SEC24D: variants seen among roughly 807,000 people sequenced by gnomAD.
The protein encoded by SEC24D is SEC24 homolog D, COPII component.
A neutral mutation model predicts 116.9 loss-of-function variants in SEC24D; 69 were observed. That is an observed-to-expected ratio of 0.59 (90% confidence interval 0.49 to 0.72). The LOEUF is 0.72. Ranked by LOEUF, SEC24D falls within the 30% of genes least tolerant of loss-of-function variation. SEC24D has a pLI of 0.00. For synonymous variants in SEC24D, 405 were observed against 442.8 expected (o/e 0.91, Z 1.07); for missense variants, 1,131 against 1,264.1 (o/e 0.89, Z 1.60).
At chr4:118,782,819 TC>T (rs891286325) in intron 8 of SEC24D, among the ~76,000 whole-genome samples, 2 of 151,692 alleles carry the variant, frequency 1.3e-5, no homozygotes, top group South Asian at 2.1e-4. Context: ...GGTACAACCC[TC>T]CCCCCTGCCA....
At chr4:118,798,146 C>G (rs1729262675) in intron 7 of SEC24D, among the ~76,000 whole-genome samples, 2 of 152,042 alleles carry the variant, frequency 1.3e-5, no homozygotes, top group Non-Finnish European at 2.9e-5. Flanking sequence ...AAAAATAAAA[C>G]AAAGAGACAC....
intron 7 of SEC24D, among the ~76,000 whole-genome samples, chr4:118,798,252 C>A (rs1054645728): frequency 1.3e-5 from 2 of 152,158 alleles, no homozygotes; most frequent in African/African-American, 4.8e-5. Context: ...TATACTATTT[C>A]ATATTAGCAA....
chr4:118,775,313 G>C (rs1347280494), intron 8 of SEC24D, among the ~76,000 whole-genome samples: 1 of 130,374 alleles, frequency 7.7e-6, no homozygotes, highest in South Asian at 2.4e-4. Context: ...ATACGCTCAG[G>C]ATAACTTGTG....
At chr4:118,738,982 T>G (rs1726099319) in intron 18 of SEC24D, among the ~76,000 whole-genome samples, 167 bp downstream of exon 18, 1 of 152,200 alleles carries the variant, frequency 6.6e-6, no homozygotes, top group Non-Finnish European at 1.5e-5. Flanking sequence ...CCTCACTTAT[T>G]AATTTAGAGT....
chr4:118,731,989 T>C (rs1725710120), intron 20 of SEC24D, among the ~76,000 whole-genome samples: 1 of 138,794 alleles, frequency 7.2e-6, no homozygotes. Context: ...TGAAGCCCAG[T>C]GTGGCTGAAG....
chr4:118,744,292 G>T, intron 14 of SEC24D, 134 bp from the exon 15 acceptor site: 1 of 907,448 alleles, frequency 1.1e-6, no homozygotes, highest in Non-Finnish European at 1.6e-6. Context: ...AGTGAACTGG[G>T]CTGAAGAAAC....
chr4:118,822,602 C>G (rs1037661459), intron 3 of SEC24D, among the ~76,000 whole-genome samples: 2 of 152,098 alleles, frequency 1.3e-5, no homozygotes, highest in Non-Finnish European at 2.9e-5. Flanking sequence ...GACAGGGTCT[C>G]CCTCTGTCAC....
At chr4:118,791,573 G>C (rs28600971) in intron 8 of SEC24D, among the ~76,000 whole-genome samples, 11 of 151,930 alleles carry the variant, frequency 7.2e-5, no homozygotes, top group African/African-American at 2.4e-4. Flanking sequence ...CTCTGATGCC[G>C]AGCCGAGACT....
intron 6 of SEC24D, among the ~76,000 whole-genome samples, chr4:118,812,277 T>C (rs539097974): frequency 2.0e-5 from 3 of 152,206 alleles, no homozygotes; most frequent in East Asian, 1.9e-4. Context: ...TGAATATTAC[T>C]GATATGGGAG....
chr4:118,732,158 T>G (rs1459861699), intron 20 of SEC24D, among the ~76,000 whole-genome samples: 1 of 152,124 alleles, frequency 6.6e-6, no homozygotes, highest in Non-Finnish European at 1.5e-5. Context: ...ATTTTATTTT[T>G]TGAGACGGAG....
chr4:118,762,828 A>G (rs1727454646), intron 10 of SEC24D, among the ~76,000 whole-genome samples: 1 of 152,204 alleles, frequency 6.6e-6, no homozygotes, highest in South Asian at 2.1e-4. Flanking sequence ...TTTCCCATCA[A>G]TTAGACTTCT....
At chr4:118,764,695 A>G (rs563433868) in intron 10 of SEC24D, 107 bp downstream of exon 10, 2 of 653,002 alleles carry the variant, frequency 3.1e-6, no homozygotes, top group Admixed American at 2.4e-5. Flanking sequence ...CCATGGTACC[A>G]CCAAAATGCT....
chr4:118,823,025 C>A (rs1025514654), intron 3 of SEC24D, among the ~76,000 whole-genome samples: 6 of 152,260 alleles, frequency 3.9e-5, no homozygotes, highest in Admixed American at 1.3e-4. Flanking sequence ...ATTCTATATT[C>A]TCATTTTACA....
intron 6 of SEC24D, among the ~76,000 whole-genome samples, chr4:118,806,801 G>C (rs1360204899): frequency 1.3e-5 from 2 of 152,080 alleles, no homozygotes; most frequent in Non-Finnish European, 1.5e-5. Context: ...CTGGGCAACA[G>C]AGTGAGGCCT....
intron 4 of SEC24D, among the ~76,000 whole-genome samples, chr4:118,816,422 A>T (rs1420443400): frequency 6.6e-6 from 1 of 152,172 alleles, no homozygotes; most frequent in South Asian, 2.1e-4. Flanking sequence ...ACATTCAATA[A>T]ATTATTTGCA....
intron 8 of SEC24D, among the ~76,000 whole-genome samples, chr4:118,792,414 G>C (rs1006845916): frequency 6.6e-6 from 1 of 152,218 alleles, no homozygotes; most frequent in African/African-American, 2.4e-5. Flanking sequence ...CATTGAGAAC[G>C]GGCCTAAATG....
At chr4:118,818,072 G>A (rs1730227289) in intron 3 of SEC24D, among the ~76,000 whole-genome samples, 1 of 151,870 alleles carries the variant, frequency 6.6e-6, no homozygotes, top group African/African-American at 2.4e-5. Flanking sequence ...ATTACATCAT[G>A]CTTTACCTTT....
intron 6 of SEC24D, 138 bp downstream of exon 6, chr4:118,814,890 G>A: frequency 1.1e-6 from 1 of 933,234 alleles, no homozygotes; most frequent in Non-Finnish European, 1.6e-6. Context: ...TATAAGGAAG[G>A]AAGCCTTCCC....
At chr4:118,747,865 C>T (rs1726618441) in intron 13 of SEC24D, among the ~76,000 whole-genome samples, 1 of 152,300 alleles carries the variant, frequency 6.6e-6, no homozygotes, top group African/African-American at 2.4e-5. Flanking sequence ...TCAATTATCC[C>T]ATGACATAGG....
Sources: gnomAD v4.1 joint callset for allele counts (sites outside exome capture counted in the v4.1 genomes callset) on GRCh38, gnomAD v4.1.1 for gene constraint, MANE v1.5 for transcripts, NCBI Gene and HGNC (gene_info 2026-07-23, HGNC 2026-07-21) for gene names.